The following SORCS1 variants were observed in gnomAD, a reference collection of about 807,000 sequenced individuals.
The protein encoded by SORCS1 is VPS10 domain-containing receptor SorCS1.
A neutral mutation model predicts 146.1 loss-of-function variants in SORCS1; 60 were observed. The ratio of observed to expected loss-of-function variants is 0.41; its 90% CI spans 0.33 to 0.51. The LOEUF (loss-of-function observed/expected upper bound fraction) is 0.51. SORCS1 is among the 20% of genes least tolerant of loss of function. SORCS1 has a pLI of 0.21. For synonymous variants in SORCS1, 637 were observed against 584.0 expected, an observed-to-expected ratio of 1.09 and a Z score of -1.31; for missense variants, 1,352 against 1,487.6, an observed-to-expected ratio of 0.91 and a Z score of 1.50.
intron 1 of SORCS1, among the ~76,000 whole-genome samples, chr10:107,073,990 T>C (rs1183865992): frequency 6.6e-6 from 1 of 152,136 alleles, no homozygotes. Flanking sequence ...ATTATCAATA[T>C]CTCACACCAG....
At chr10:106,899,318 C>T (rs957314428) in intron 2 of SORCS1, among the ~76,000 whole-genome samples, 1 of 152,144 alleles carries the variant, frequency 6.6e-6, no homozygotes, top group Non-Finnish European at 1.5e-5. Flanking sequence ...AGACTGAGAA[C>T]TAAACTAGGC....
chr10:106,805,058 C>A (rs1947094654), intron 3 of SORCS1, among the ~76,000 whole-genome samples: 1 of 152,078 alleles, frequency 6.6e-6, no homozygotes, highest in South Asian at 2.1e-4. Context: ...CCTTTTAAGC[C>A]CTCCTGAGCA....
At chr10:106,740,496 T>C (rs766653862) in intron 5 of SORCS1, among the ~76,000 whole-genome samples, 1 of 152,172 alleles carries the variant, frequency 6.6e-6, no homozygotes, top group Non-Finnish European at 1.5e-5. Flanking sequence ...TCCCTGTACC[T>C]TGTGAAGCTT....
chr10:106,622,647 T>C (rs1847828798), intron 19 of SORCS1, among the ~76,000 whole-genome samples: 1 of 152,200 alleles, frequency 6.6e-6, no homozygotes, highest in African/African-American at 2.4e-5. Flanking sequence ...AGCAGTTCAA[T>C]GAAATAATAA....
chr10:106,690,543 T>C (rs1031721002), intron 9 of SORCS1, among the ~76,000 whole-genome samples: 8 of 152,260 alleles, frequency 5.3e-5, no homozygotes, highest in Non-Finnish European at 1.2e-4. Flanking sequence ...GGCCCCCGAC[T>C]GCTTGGCATT....
At chr10:106,578,307 T>C (rs1844686672) in intron 25 of SORCS1, 1 of 152,130 alleles carries the variant, frequency 6.6e-6, no homozygotes, top group Non-Finnish European at 1.5e-5. Flanking sequence ...AGATTCTCTA[T>C]ACCTCGTTGT....
intron 7 of SORCS1, among the ~76,000 whole-genome samples, chr10:106,708,592 A>C (rs1211323534): frequency 6.6e-6 from 1 of 152,092 alleles, no homozygotes; most frequent in Non-Finnish European, 1.5e-5. Flanking sequence ...TCTACTAACA[A>C]CTCAGGAAAC....
intron 2 of SORCS1, among the ~76,000 whole-genome samples, chr10:106,939,003 C>T (rs1953894223): frequency 6.6e-6 from 1 of 152,094 alleles, no homozygotes; most frequent in Admixed American, 6.5e-5. Flanking sequence ...GGAAAACGTC[C>T]CATGTAATGT....
chr10:107,122,850 G>T (rs966989694), intron 1 of SORCS1, among the ~76,000 whole-genome samples: 3 of 152,164 alleles, frequency 2.0e-5, no homozygotes, highest in African/African-American at 7.2e-5. Context: ...TTGAAATAAC[G>T]ATAAGCAAAT....
intron 2 of SORCS1, among the ~76,000 whole-genome samples, chr10:106,851,409 A>C (rs1002786745): frequency 3.3e-5 from 5 of 152,024 alleles, no homozygotes; most frequent in African/African-American, 1.2e-4. Context: ...TTTTATTTGT[A>C]TTTATTTTTG....
intron 18 of SORCS1, among the ~76,000 whole-genome samples, chr10:106,631,059 A>G (rs1848412283): frequency 6.6e-6 from 1 of 152,218 alleles, no homozygotes. Flanking sequence ...TAAGGTTCAT[A>G]TGGTATCATA....
chr10:106,680,449 A>G (rs1342771757), intron 10 of SORCS1, among the ~76,000 whole-genome samples: 1 of 152,170 alleles, frequency 6.6e-6, no homozygotes, highest in Non-Finnish European at 1.5e-5. Flanking sequence ...TTATCCAAAT[A>G]CCCGCCAGAC....
chr10:106,673,737 A>C (rs547472386), intron 14 of SORCS1, among the ~76,000 whole-genome samples: 1 of 152,306 alleles, frequency 6.6e-6, no homozygotes, highest in East Asian at 1.9e-4. Flanking sequence ...AGTGAAAGTG[A>C]TCAGCAGAAC....
intron 2 of SORCS1, among the ~76,000 whole-genome samples, chr10:106,937,465 A>T (rs567560699): frequency 4.6e-5 from 7 of 152,042 alleles, no homozygotes; most frequent in African/African-American, 1.7e-4. Flanking sequence ...GACATGAGTC[A>T]CTGTGCCTGG....
chr10:106,603,671 G>A (rs950148381), intron 23 of SORCS1, among the ~76,000 whole-genome samples: 5 of 152,148 alleles, frequency 3.3e-5, no homozygotes, highest in South Asian at 2.1e-4. Flanking sequence ...GAGGGGATAA[G>A]GACAGCCCTT....
chr10:106,968,736 G>A (rs1955628569), intron 1 of SORCS1, among the ~76,000 whole-genome samples: 1 of 152,124 alleles, frequency 6.6e-6, no homozygotes, highest in Non-Finnish European at 1.5e-5. Context: ...AAACTGAAAA[G>A]AATGCAAGCT....
chr10:106,638,499 G>A (rs185484378), intron 18 of SORCS1, among the ~76,000 whole-genome samples: 1 of 152,232 alleles, frequency 6.6e-6, no homozygotes, highest in East Asian at 1.9e-4. Flanking sequence ...AGATTACCTT[G>A]TTGGTGAATA....
chr10:106,933,967 G>A (rs1953548973), intron 2 of SORCS1, among the ~76,000 whole-genome samples: 1 of 151,934 alleles, frequency 6.6e-6, no homozygotes, highest in South Asian at 2.1e-4. Flanking sequence ...GGTGATGCAT[G>A]CCTGTAATCC....
chr10:106,872,212 C>G (rs913519817), intron 2 of SORCS1, among the ~76,000 whole-genome samples: 15 of 152,144 alleles, frequency 9.9e-5, no homozygotes, highest in Admixed American at 2.6e-4. Context: ...AGAAGGCCTC[C>G]TTGAAACGCA....
Sources: gnomAD v4.1 joint callset for allele counts (sites outside exome capture counted in the v4.1 genomes callset) on GRCh38, gnomAD v4.1.1 for gene constraint, MANE v1.5 for transcripts, NCBI Gene and HGNC (gene_info 2026-07-23, HGNC 2026-07-21) for gene names.